Variants in SHISA9 observed in about 807,000 individuals in gnomAD.
SHISA9 encodes the protein shisa family member 9, also known as protein shisa-9.
Under a neutral mutation model 38.0 loss-of-function variants are expected in SHISA9, and 13 were observed. The ratio of observed to expected loss-of-function variants is 0.34; its 90% confidence interval spans 0.22 to 0.54. SHISA9 has a LOEUF of 0.54. Among genes scored for constraint, SHISA9 ranks in the 20% least tolerant of loss-of-function variants. The pLI, the probability that SHISA9 is intolerant of heterozygous loss-of-function variation, is 0.91. For synonymous variants in SHISA9, 275 were observed against 242.0 expected (o/e 1.14, Z -1.27); for missense variants, 538 against 575.8 (o/e 0.93, Z 0.67).
chr16:13,431,023 T>C, the SHISA9 span, among the ~76,000 whole-genome samples: 1 of 152,142 alleles, frequency 6.6e-6, no homozygotes, highest in Non-Finnish European at 1.5e-5. Context: ...TCAGGAGATA[T>C]GATTGAGCAG....
chr16:12,982,888 C>G (rs1036892350), intron 2 of SHISA9, among the ~76,000 whole-genome samples: 1 of 152,198 alleles, frequency 6.6e-6, no homozygotes, highest in Non-Finnish European at 1.5e-5. Flanking sequence ...CTTACTCACA[C>G]GCTCGCTTCT....
chr16:13,086,532 G>A (rs2073712885), intron 2 of SHISA9, among the ~76,000 whole-genome samples: 1 of 152,074 alleles, frequency 6.6e-6, no homozygotes, highest in Admixed American at 6.6e-5. Context: ...AGAATGGATT[G>A]GAAGAAGTCC....
At chr16:13,276,561 T>C in the SHISA9 span, among the ~76,000 whole-genome samples, 39,135 of 151,952 alleles carry the variant, frequency 0.26, 5,287 homozygotes, top group Non-Finnish European at 0.3. Context: ...CTGTTCACCA[T>C]ATCCATGCCA....
the SHISA9 span, among the ~76,000 whole-genome samples, chr16:13,352,491 G>C: frequency 6.6e-6 from 1 of 152,162 alleles, no homozygotes; most frequent in East Asian, 1.9e-4. Flanking sequence ...GCTATATCCA[G>C]CACCTCCTTG....
intron 2 of SHISA9, among the ~76,000 whole-genome samples, chr16:13,115,692 C>T (rs2141971925): frequency 6.6e-6 from 1 of 152,280 alleles, no homozygotes; most frequent in Admixed American, 6.5e-5. Context: ...CCGTATGCCC[C>T]AGGCACCAAA....
At chr16:13,328,565 A>G in the SHISA9 span, among the ~76,000 whole-genome samples, 1 of 148,510 alleles carries the variant, frequency 6.7e-6, no homozygotes, top group African/African-American at 2.5e-5. Context: ...GGTGCCCACC[A>G]CCACGCCTGG....
chr16:13,313,873 G>A, the SHISA9 span, among the ~76,000 whole-genome samples: 1 of 152,144 alleles, frequency 6.6e-6, no homozygotes, highest in East Asian at 1.9e-4. Context: ...TTCTATAGCA[G>A]AATTGCATTA....
At chr16:13,015,581 G>A (rs1318626330) in intron 2 of SHISA9, among the ~76,000 whole-genome samples, 1 of 152,114 alleles carries the variant, frequency 6.6e-6, no homozygotes, top group African/African-American at 2.4e-5. Flanking sequence ...CAATGCTTTT[G>A]AGCATCTGGG....
the SHISA9 span, among the ~76,000 whole-genome samples, chr16:13,480,287 AC>A: frequency 2.0e-5 from 3 of 152,152 alleles, no homozygotes; most frequent in Non-Finnish European, 2.9e-5. Flanking sequence ...ATGTGGAGTG[AC>A]ATCATGCCGA....
At chr16:12,940,343 C>T (rs1389125949) in intron 2 of SHISA9, among the ~76,000 whole-genome samples, 1 of 152,122 alleles carries the variant, frequency 6.6e-6, no homozygotes, top group East Asian at 1.9e-4. Context: ...TCTGAATATG[C>T]CTAGGCATGC....
intron 4 of SHISA9, among the ~76,000 whole-genome samples, chr16:13,220,885 G>C (rs2051217400): frequency 2.0e-5 from 3 of 152,164 alleles, no homozygotes; most frequent in Non-Finnish European, 2.9e-5. Context: ...AGGTTTCAGA[G>C]GGCTCCTGGC....
the SHISA9 span, among the ~76,000 whole-genome samples, chr16:13,426,236 G>A: frequency 6.6e-6 from 1 of 152,148 alleles, no homozygotes; most frequent in Non-Finnish European, 1.5e-5. Flanking sequence ...TGTTTTATAT[G>A]TGTTATCTCA....
At chr16:13,305,305 G>A in the SHISA9 span, among the ~76,000 whole-genome samples, 6 of 151,994 alleles carry the variant, frequency 3.9e-5, no homozygotes, top group South Asian at 2.1e-4. Flanking sequence ...TTTAAATTTC[G>A]GAGCATTTCA....
chr16:13,137,267 T>TA (rs2141992563), intron 2 of SHISA9, among the ~76,000 whole-genome samples: 1 of 152,260 alleles, frequency 6.6e-6, no homozygotes, highest in Admixed American at 6.5e-5. Flanking sequence ...GGGATCCTAA[T>TA]ACGGCAGTAG....
chr16:13,071,128 T>G lies in SHISA9; in HGVS notation c.692-132266T>G, dbSNP rs114437745. ...TGTGATGTTTGCACAACAATGTGAA[T>G]GTATTTAATGACAGAGAACCGTGCC... On this transcript the variant is annotated intron_variant, in intron 2 of 4. Coordinates refer to ENST00000558583, the MANE Select transcript of SHISA9 (RefSeq NM_001145204.3). 3.9e-3 allele frequency among the ~76,000 whole-genome samples: 597 copies of G among 152,244 alleles called. 5 individuals carry two copies. The highest frequency in any genetic ancestry group is 0.014 in the African/African-American group (572 of 41,508).
chr16:13,037,690 G>A (rs2073090837), intron 2 of SHISA9, among the ~76,000 whole-genome samples: 1 of 152,086 alleles, frequency 6.6e-6, no homozygotes, highest in South Asian at 2.1e-4. Context: ...GGAATAAGCA[G>A]CCCCCTAACT....
intron 2 of SHISA9, among the ~76,000 whole-genome samples, chr16:13,061,901 C>T (rs1171439344): frequency 3.3e-5 from 5 of 152,162 alleles, no homozygotes; most frequent in African/African-American, 1.2e-4. Context: ...GAGGAGCATT[C>T]TAAGCAGACG....
chr16:13,196,363 C>T (rs1245394191), intron 2 of SHISA9, among the ~76,000 whole-genome samples: 2 of 145,336 alleles, frequency 1.4e-5, no homozygotes, highest in East Asian at 2.0e-4. Context: ...CACCACTGCA[C>T]TCCAGCCTGG....
the SHISA9 span, among the ~76,000 whole-genome samples, chr16:13,254,756 C>A: frequency 6.6e-6 from 1 of 152,218 alleles, no homozygotes; most frequent in African/African-American, 2.4e-5. Context: ...GAATCCTCAG[C>A]GGACACCTTG....
Sources: gnomAD v4.1 joint callset for allele counts (sites outside exome capture counted in the v4.1 genomes callset) on GRCh38, gnomAD v4.1.1 for gene constraint, MANE v1.5 for transcripts, NCBI Gene and HGNC (gene_info 2026-07-23, HGNC 2026-07-21) for gene names.